PCDH11X: variants seen among roughly 807,000 people sequenced by gnomAD.
PCDH11X encodes protocadherin-11 X-linked.
PCDH11X carries 18 observed loss-of-function variants against 53.3 expected under a neutral mutation model. The ratio of observed to expected loss-of-function variants is 0.34; its 90% confidence interval spans 0.23 to 0.50. The LOEUF (loss-of-function observed/expected upper bound fraction) is 0.50. Ranked by LOEUF, PCDH11X falls within the 20% of genes least tolerant of loss-of-function variation. The pLI, the probability that PCDH11X is intolerant of heterozygous loss-of-function variation, is 0.98. For missense variants in PCDH11X, 570 were observed against 1,032.4 expected (o/e 0.55, Z 6.14); for synonymous variants, 279 against 393.3 (o/e 0.71, Z 3.44).
In PCDH11X at chrX:92,350,416, G is replaced by A. The variant is rs184388209; in HGVS notation, c.3145-37319G>A. Among the ~76,000 whole-genome samples the A allele has an allele frequency of 1.1e-4, 12 of 111,046 alleles. No homozygotes were observed. In the East Asian group the frequency reaches 2.9e-3, roughly 27 times the overall value. Reference sequence around the variant, plus strand: ...CTGTTCAGATTCTTTTGCCTCCTGGGGTTTTCCCTTGATGTAGTAGTCTCC... The same window carrying A: ...CTGTTCAGATTCTTTTGCCTCCTGGAGTTTTCCCTTGATGTAGTAGTCTCC... On this transcript the variant is annotated intron_variant, in intron 8 of 10. Coordinates refer to ENST00000682573, the MANE Select transcript of PCDH11X (RefSeq NM_032968.5).
At chrX:91,822,543 G>A (rs1438683832) in intron 4 of PCDH11X, among the ~76,000 whole-genome samples, 13 of 108,476 alleles carry the variant, frequency 1.2e-4, no homozygotes, top group East Asian at 5.8e-4. Context: ...TTTTTATTGC[G>A]TCTATTTGAT....
intron 10 of PCDH11X, among the ~76,000 whole-genome samples, chrX:92,523,167 C>G (rs1166622954): frequency 8.9e-6 from 1 of 112,050 alleles, no homozygotes; most frequent in Non-Finnish European, 1.9e-5. Context: ...CGTTGCTATC[C>G]AATGTCATAT....
intron 10 of PCDH11X, among the ~76,000 whole-genome samples, chrX:92,535,159 A>G (rs1398673145): frequency 6.2e-5 from 7 of 112,153 alleles, no homozygotes; most frequent in African/African-American, 2.3e-4. Flanking sequence ...CAACCTAGCA[A>G]TTCCAGTACT....
intron 6 of PCDH11X, among the ~76,000 whole-genome samples, chrX:92,182,671 G>T (rs1422152318): frequency 9.0e-6 from 1 of 111,696 alleles, no homozygotes; most frequent in Non-Finnish European, 1.9e-5. Context: ...TTTGTAAGAG[G>T]AGTTCCTCTG....
At chrX:92,158,604 G>A (rs2065581612) in intron 6 of PCDH11X, among the ~76,000 whole-genome samples, 1 of 111,765 alleles carries the variant, frequency 8.9e-6, no homozygotes, top group Non-Finnish European at 1.9e-5. Flanking sequence ...TTTTAAGATT[G>A]CCTGAATGGT....
intron 10 of PCDH11X, among the ~76,000 whole-genome samples, chrX:92,506,500 T>C (rs2074064030): frequency 9.6e-6 from 1 of 104,556 alleles, no homozygotes; most frequent in African/African-American, 3.4e-5. Flanking sequence ...GATGATCATG[T>C]CATTTTTGAT....
intron 7 of PCDH11X, among the ~76,000 whole-genome samples, chrX:92,210,471 C>T (rs2066564320): frequency 9.1e-6 from 1 of 109,486 alleles, no homozygotes; most frequent in Non-Finnish European, 1.9e-5. Context: ...GATCTCCTGA[C>T]CTTGTGATCC....
intron 6 of PCDH11X, among the ~76,000 whole-genome samples, chrX:92,143,754 G>A (rs112923066): frequency 7.7e-4 from 86 of 112,193 alleles, no homozygotes; most frequent in African/African-American, 2.6e-3. Flanking sequence ...ACTGCCTAGT[G>A]GAGTTGTGAG....
intron 8 of PCDH11X, among the ~76,000 whole-genome samples, chrX:92,273,781 A>G (rs2068014382): frequency 9.0e-6 from 1 of 111,469 alleles, no homozygotes. Flanking sequence ...TATGAACTGA[A>G]AAACTAAATG....
intron 6 of PCDH11X, among the ~76,000 whole-genome samples, chrX:91,916,620 G>A (rs1335969918): frequency 1.8e-5 from 2 of 109,776 alleles, no homozygotes; most frequent in Non-Finnish European, 3.8e-5. Flanking sequence ...CGTTAAATTG[G>A]GAAGAAATAG....
intron 6 of PCDH11X, among the ~76,000 whole-genome samples, chrX:91,970,234 G>C (rs1490409838): frequency 2.7e-5 from 3 of 111,313 alleles, no homozygotes; most frequent in Non-Finnish European, 5.7e-5. Flanking sequence ...AAAGAACAAA[G>C]CTTCCACCAC....
intron 10 of PCDH11X, among the ~76,000 whole-genome samples, chrX:92,536,087 T>G (rs2148731576): frequency 9.2e-6 from 1 of 108,585 alleles, no homozygotes; most frequent in East Asian, 2.9e-4. Flanking sequence ...CTTTTTATTC[T>G]ATTCTTTTTT....
chrX:92,249,083 A>C (rs1443691529), intron 7 of PCDH11X, among the ~76,000 whole-genome samples: 1 of 109,935 alleles, frequency 9.1e-6, no homozygotes, highest in Non-Finnish European at 1.9e-5. Context: ...TTTTCTTATC[A>C]CATATATATA....
At chrX:92,010,103 C>T (rs1002788540) in intron 6 of PCDH11X, among the ~76,000 whole-genome samples, 3 of 111,082 alleles carry the variant, frequency 2.7e-5, no homozygotes, top group Non-Finnish European at 5.7e-5. Context: ...TTAACAAATC[C>T]TTTGATTATA....
At chrX:92,416,596 G>C (rs1428959108) in intron 9 of PCDH11X, among the ~76,000 whole-genome samples, 1 of 110,106 alleles carries the variant, frequency 9.1e-6, no homozygotes, top group African/African-American at 3.3e-5. Context: ...CAAATAACTA[G>C]AGAAGTGGAG....
chrX:92,607,835 C>T (rs2750699), intron 10 of PCDH11X, among the ~76,000 whole-genome samples: 19 of 111,159 alleles, frequency 1.7e-4, no homozygotes, highest in South Asian at 1.5e-3. Context: ...TGTGTGTTCA[C>T]GTATTTTCAT....
At chrX:92,573,626 C>T (rs1922471091) in intron 10 of PCDH11X, among the ~76,000 whole-genome samples, 1 of 110,504 alleles carries the variant, frequency 9.0e-6, no homozygotes, top group Admixed American at 9.7e-5. Flanking sequence ...TACATAGACA[C>T]TTCCATATTT....
chrX:92,209,539 C>T (rs1319359004), intron 7 of PCDH11X, among the ~76,000 whole-genome samples: 1 of 112,521 alleles, frequency 8.9e-6, no homozygotes, highest in Non-Finnish European at 1.9e-5. Context: ...CTTGGGCATC[C>T]CCACTCCTGC....
At chrX:92,488,474 C>T (rs1372168888) in intron 10 of PCDH11X, among the ~76,000 whole-genome samples, 1 of 110,496 alleles carries the variant, frequency 9.1e-6, no homozygotes, top group Admixed American at 9.7e-5. Context: ...TCTAATTGAT[C>T]TAGGTATCTT....
Sources: gnomAD v4.1 joint callset for allele counts (sites outside exome capture counted in the v4.1 genomes callset) on GRCh38, gnomAD v4.1.1 for gene constraint, MANE v1.5 for transcripts, NCBI Gene and HGNC (gene_info 2026-07-23, HGNC 2026-07-21) for gene names.